Variants in NCAM2 observed in about 807,000 individuals in gnomAD.
NCAM2 encodes neural cell adhesion molecule 2.
Under a neutral mutation model 98.1 loss-of-function variants are expected in NCAM2, and 30 were observed. The observed-to-expected ratio is 0.31, with a 90% CI of 0.23 to 0.41. The LOEUF is 0.41. Among genes scored for constraint, NCAM2 ranks in the 10% least tolerant of loss-of-function variants. The probability of loss-of-function intolerance (pLI) is 1.00; values close to 1 mark genes in which losing one functional copy is unlikely to be tolerated. For missense variants in NCAM2, 867 were observed against 1,005.8 expected, an observed-to-expected ratio of 0.86 and a Z score of 1.87; for synonymous variants, 368 against 342.4, an observed-to-expected ratio of 1.07 and a Z score of -0.83.
chr21:21,147,477 A>G (rs911404979), intron 1 of NCAM2, among the ~76,000 whole-genome samples: 1 of 151,494 alleles, frequency 6.6e-6, no homozygotes, highest in Non-Finnish European at 1.5e-5. Context: ...TGGTATACTC[A>G]TGACTCACTG....
At chr21:21,019,627 A>G (rs2064386227) in intron 1 of NCAM2, among the ~76,000 whole-genome samples, 1 of 152,208 alleles carries the variant, frequency 6.6e-6, no homozygotes, top group South Asian at 2.1e-4. Flanking sequence ...GAGCCAATTT[A>G]TAATTATTTT....
intron 10 of NCAM2, among the ~76,000 whole-genome samples, chr21:21,414,027 C>T (rs2076938012): frequency 6.6e-6 from 1 of 152,168 alleles, no homozygotes; most frequent in Middle Eastern, 3.2e-3. Context: ...ATGTAATATT[C>T]TAAATCTTTG....
chr21:21,473,177 G>A (rs950669216), intron 14 of NCAM2, among the ~76,000 whole-genome samples: 1 of 151,098 alleles, frequency 6.6e-6, no homozygotes, highest in African/African-American at 2.4e-5. Flanking sequence ...ACCCAGGACA[G>A]CTCTGAAGGA....
rs562408413 is a variant in NCAM2, at chr21:21,438,460, G to A, written c.1654+6179G>A. 5.9e-5 allele frequency among the ~76,000 whole-genome samples: 9 copies of A among 152,236 alleles called. No individual in the cohort carries two copies. In the East Asian group the frequency reaches 1.7e-3, roughly 29 times the overall value. ...TATTCTTTTTGAAGGTTTAGCTGAA[G>A]CCGTACTAATTATCCCAACCAATGA... On this transcript the variant is annotated intron_variant, in intron 12 of 17. Coordinates refer to ENST00000400546, the MANE Select transcript of NCAM2 (RefSeq NM_004540.5).
chr21:21,062,228 A>T (rs923713402), intron 1 of NCAM2, among the ~76,000 whole-genome samples: 5 of 152,180 alleles, frequency 3.3e-5, no homozygotes, highest in Non-Finnish European at 5.9e-5. Flanking sequence ...GGATAGTGGG[A>T]TATATTTAAA....
intron 5 of NCAM2, among the ~76,000 whole-genome samples, chr21:21,301,954 A>C (rs951635395): frequency 1.4e-5 from 2 of 144,384 alleles, no homozygotes; most frequent in African/African-American, 5.2e-5. Context: ...TTAAAAAGTC[A>C]GGAAACAACA....
intron 1 of NCAM2, among the ~76,000 whole-genome samples, chr21:21,264,148 G>C (rs2072031292): frequency 6.6e-6 from 1 of 151,936 alleles, no homozygotes; most frequent in Admixed American, 6.6e-5. Flanking sequence ...AAATCAACAA[G>C]AAATGAACAA....
chr21:21,092,911 G>A (rs963194913), intron 1 of NCAM2, among the ~76,000 whole-genome samples: 2 of 151,916 alleles, frequency 1.3e-5, no homozygotes, highest in Non-Finnish European at 2.9e-5. Context: ...TTAGAACAAA[G>A]CTAACAATGT....
At chr21:21,516,011 G>T (rs937859160) in intron 16 of NCAM2, among the ~76,000 whole-genome samples, 4 of 152,082 alleles carry the variant, frequency 2.6e-5, no homozygotes, top group Non-Finnish European at 5.9e-5. Context: ...CAGTTGTTAA[G>T]ATCTCAGGAT....
At chr21:21,252,413 T>A (rs1270994832) in intron 1 of NCAM2, among the ~76,000 whole-genome samples, 10 of 150,428 alleles carry the variant, frequency 6.6e-5, no homozygotes, top group Admixed American at 6.0e-4. Context: ...CTTTATTATA[T>A]AAAATATAAT....
intron 1 of NCAM2, among the ~76,000 whole-genome samples, chr21:21,109,313 A>G (rs539610857): frequency 1.3e-5 from 2 of 152,244 alleles, no homozygotes; most frequent in South Asian, 2.1e-4. Flanking sequence ...GCATTGTTTT[A>G]TATGCACATC....
intron 16 of NCAM2, among the ~76,000 whole-genome samples, chr21:21,525,444 C>T (rs1017089542): frequency 4.6e-5 from 7 of 152,022 alleles, no homozygotes; most frequent in Non-Finnish European, 7.4e-5. Flanking sequence ...CCTCAAAAGG[C>T]GCAATCAGCT....
chr21:21,080,665 A>C (rs1401893332), intron 1 of NCAM2, among the ~76,000 whole-genome samples: 4 of 144,400 alleles, frequency 2.8e-5, no homozygotes, highest in African/African-American at 1.1e-4. Context: ...TCAAAAAAAA[A>C]AAAAAAAAAA....
intron 1 of NCAM2, among the ~76,000 whole-genome samples, chr21:21,219,733 C>T (rs571674481): frequency 2.5e-4 from 38 of 152,266 alleles, no homozygotes; most frequent in African/African-American, 8.7e-4. Flanking sequence ...TGTAAAACAG[C>T]CTCATGCTGG....
chr21:21,488,272 A>G (rs1196799154), intron 15 of NCAM2, among the ~76,000 whole-genome samples: 3 of 62,628 alleles, frequency 4.8e-5, no homozygotes, highest in Admixed American at 2.6e-4. Flanking sequence ...TCAATTGGGA[A>G]ACCATTATAA....
At chr21:21,523,038 G>T (rs953059048) in intron 16 of NCAM2, among the ~76,000 whole-genome samples, 1 of 151,674 alleles carries the variant, frequency 6.6e-6, no homozygotes, top group South Asian at 2.1e-4. Flanking sequence ...ATTTGTTGTT[G>T]TTTGTTGTTT....
chr21:21,415,515 T>C (rs1261915220), intron 10 of NCAM2, among the ~76,000 whole-genome samples: 1 of 151,636 alleles, frequency 6.6e-6, no homozygotes, highest in Non-Finnish European at 1.5e-5. Context: ...TTTTGTACTT[T>C]TAGTAGAGAC....
chr21:21,270,769 T>C (rs1382798079), intron 1 of NCAM2, among the ~76,000 whole-genome samples: 2 of 152,134 alleles, frequency 1.3e-5, no homozygotes, highest in Admixed American at 6.6e-5. Context: ...CCCAGGTTTC[T>C]ACATGCTTGA....
At chr21:21,190,341 G>C (rs2826729) in intron 1 of NCAM2, among the ~76,000 whole-genome samples, 2 of 152,036 alleles carry the variant, frequency 1.3e-5, no homozygotes, top group Admixed American at 1.3e-4. Context: ...GCTATCTTTG[G>C]GCATTACCAA....
Sources: allele counts gnomAD v4.1 joint callset (sites outside exome capture counted in the v4.1 genomes callset), GRCh38; gene constraint gnomAD v4.1.1; transcripts MANE v1.5; gene names NCBI Gene and HGNC (gene_info 2026-07-23, HGNC 2026-07-21).